Variants in PTPRD observed in about 807,000 individuals in gnomAD.
PTPRD encodes protein tyrosine phosphatase receptor type D.
In PTPRD, 34 loss-of-function variants were observed where a neutral mutation model predicts 214.5. The observed-to-expected ratio is 0.16, with a 90% CI of 0.12 to 0.21. PTPRD has a LOEUF of 0.21. Ranked by LOEUF, PTPRD falls within the 10% of genes least tolerant of loss-of-function variation. The pLI, the probability that PTPRD is intolerant of heterozygous loss-of-function variation, is 1.00. For synonymous variants in PTPRD, 1,128 were observed against 845.7 expected (o/e 1.33, Z -5.79); for missense variants, 2,545 against 2,398.7 (o/e 1.06, Z -1.27).
intron 12 of PTPRD, among the ~76,000 whole-genome samples, chr9:8,714,389 G>A (rs924580985): frequency 6.6e-6 from 1 of 151,304 alleles, no homozygotes; most frequent in Non-Finnish European, 1.5e-5. Flanking sequence ...ATATTCCTTT[G>A]AGCCTTGGCA....
At chr9:9,608,209 C>T (rs1042720260) in intron 7 of PTPRD, among the ~76,000 whole-genome samples, 1 of 152,088 alleles carries the variant, frequency 6.6e-6, no homozygotes, top group Non-Finnish European at 1.5e-5. Flanking sequence ...TAATTCCTGA[C>T]ATGGTGCTTT....
Position 9,654,245 on chromosome 9 carries a change from G to C in PTPRD, c.-286-79464C>G, listed in dbSNP as rs191408881. On this transcript the variant is annotated intron_variant, in intron 7 of 45. Transcript: ENST00000381196. ...CCTAATCTTAATATCTTTAGTAAGA[G>C]TGAGAAGCTATAAAAATAGTAAAAT... 5.3e-5 allele frequency among the ~76,000 whole-genome samples: 8 copies of C among 152,202 alleles called. No homozygotes were observed. The East Asian group carries it at 1.5e-3, about 29-fold the overall frequency.
chr9:10,145,151 T>C (rs1305779209), intron 3 of PTPRD, among the ~76,000 whole-genome samples: 1 of 152,168 alleles, frequency 6.6e-6, no homozygotes, highest in Admixed American at 6.6e-5. Flanking sequence ...TTAATAACTA[T>C]TCAAAGACAT....
chr9:10,367,738 G>A (rs1202419534), intron 2 of PTPRD, among the ~76,000 whole-genome samples: 3 of 152,032 alleles, frequency 2.0e-5, no homozygotes, highest in Admixed American at 6.6e-5. Flanking sequence ...TAAGCTCTTA[G>A]AGTGTTCAAA....
chr9:8,475,297 C>A (rs774479430), intron 30 of PTPRD, among the ~76,000 whole-genome samples: 16 of 152,142 alleles, frequency 1.1e-4, no homozygotes, highest in Non-Finnish European at 1.6e-4. Context: ...TGTTAACACT[C>A]TCCATGAAAC....
intron 11 of PTPRD, among the ~76,000 whole-genome samples, chr9:8,862,485 C>A (rs947513932): frequency 6.6e-6 from 1 of 152,176 alleles, no homozygotes; most frequent in African/African-American, 2.4e-5. Context: ...CTACCAGTAA[C>A]ATTGCATGCT....
chr9:9,954,552 A>C (rs1169469245), intron 4 of PTPRD, among the ~76,000 whole-genome samples: 1 of 138,454 alleles, frequency 7.2e-6, no homozygotes, highest in Non-Finnish European at 1.6e-5. Flanking sequence ...ACAAGAATAT[A>C]AAATAATGCA....
rs553087226 is a variant in PTPRD at position 9,671,195 on chromosome 9, A to AGGAGATCAT, written c.-287+63329_-287+63337dup. Among the ~76,000 whole-genome samples, 9 of 152,302 alleles carry AGGAGATCAT rather than the reference A, an allele frequency of 5.9e-5. No homozygotes were observed. The South Asian group carries it at 1.7e-3, about 28-fold the overall frequency. On this transcript the variant is annotated intron_variant, in intron 7 of 45. Coordinates refer to ENST00000381196, the MANE Select transcript of PTPRD (RefSeq NM_002839.4). ...ACCTGGATGTAAGACCAGGAGTCAA[A>AGGAGATCAT]GGAGATCATTTTGGAGCTTTAAAAT...
intron 8 of PTPRD, among the ~76,000 whole-genome samples, chr9:9,538,547 C>T (rs912584041): frequency 3.3e-5 from 5 of 151,882 alleles, no homozygotes; most frequent in African/African-American, 1.2e-4. Flanking sequence ...AAAACTTGGA[C>T]CAAAGAAGGG....
At chr9:10,335,438 A>C (rs569265366) in intron 3 of PTPRD, among the ~76,000 whole-genome samples, 1 of 151,892 alleles carries the variant, frequency 6.6e-6, no homozygotes, top group South Asian at 2.1e-4. Context: ...CCCTTAACAA[A>C]AGTTAACTCA....
At chr9:8,710,340 T>TGC (rs1555188895) in intron 12 of PTPRD, among the ~76,000 whole-genome samples, 1 of 152,062 alleles carries the variant, frequency 6.6e-6, no homozygotes, top group Non-Finnish European at 1.5e-5. Flanking sequence ...AATAAGGCCA[T>TGC]GCAGGGTGGC....
At chr9:9,317,844 A>C (rs567483242) in intron 9 of PTPRD, among the ~76,000 whole-genome samples, 1 of 152,304 alleles carries the variant, frequency 6.6e-6, no homozygotes, top group African/African-American at 2.4e-5. Flanking sequence ...TTTCATAATA[A>C]CAATCTATCA....
chr9:9,067,786 C>A (rs1569524716), intron 10 of PTPRD, among the ~76,000 whole-genome samples: 1 of 152,156 alleles, frequency 6.6e-6, no homozygotes, highest in Non-Finnish European at 1.5e-5. Context: ...GACATCAATA[C>A]AATCTATTGA....
chr9:10,005,690 C>A (rs1301635861), intron 4 of PTPRD, among the ~76,000 whole-genome samples: 1 of 151,978 alleles, frequency 6.6e-6, no homozygotes, highest in East Asian at 1.9e-4. Flanking sequence ...TGGCATGACA[C>A]TATAAAACCT....
At chr9:9,278,955 T>C (rs1308604963) in intron 9 of PTPRD, among the ~76,000 whole-genome samples, 3 of 151,320 alleles carry the variant, frequency 2.0e-5, no homozygotes, top group East Asian at 2.0e-4. Flanking sequence ...TCTCTGCTCA[T>C]TGTTTTTGTG....
intron 12 of PTPRD, among the ~76,000 whole-genome samples, chr9:8,698,221 G>T (rs1159354557): frequency 6.6e-6 from 1 of 152,182 alleles, no homozygotes; most frequent in African/African-American, 2.4e-5. Flanking sequence ...CTTATGCACT[G>T]AATACCTACT....
At chr9:9,492,211 A>G (rs1439578886) in intron 8 of PTPRD, among the ~76,000 whole-genome samples, 1 of 151,796 alleles carries the variant, frequency 6.6e-6, no homozygotes, top group Non-Finnish European at 1.5e-5. Flanking sequence ...GGAACATATG[A>G]ATAGACCTAT....
intron 5 of PTPRD, among the ~76,000 whole-genome samples, chr9:9,859,363 G>C (rs1270217419): frequency 6.6e-6 from 1 of 152,152 alleles, no homozygotes; most frequent in Admixed American, 6.5e-5. Flanking sequence ...TTGGTGTTGA[G>C]GAAGATTCTA....
At chr9:10,431,367 A>C (rs2098676451) in intron 2 of PTPRD, among the ~76,000 whole-genome samples, 1 of 152,062 alleles carries the variant, frequency 6.6e-6, no homozygotes, top group African/African-American at 2.4e-5. Flanking sequence ...TTCAGGACAT[A>C]GGCATGGGCA....
Sources: allele counts gnomAD v4.1 joint callset (sites outside exome capture counted in the v4.1 genomes callset), GRCh38; gene constraint gnomAD v4.1.1; transcripts MANE v1.5; gene names NCBI Gene and HGNC (gene_info 2026-07-23, HGNC 2026-07-21).